RBM26: variants seen among roughly 807,000 people sequenced by gnomAD.
The protein encoded by RBM26 is RNA-binding protein 26.
In RBM26, 30 loss-of-function variants were observed where a neutral mutation model predicts 123.6. The observed-to-expected ratio is 0.24, with a 90% CI of 0.18 to 0.33. The LOEUF is 0.33. RBM26 is among the 10% of genes least tolerant of loss of function. The pLI is 1.00. For synonymous variants in RBM26, 400 were observed against 404.4 expected (o/e 0.99, Z 0.13); for missense variants, 947 against 1,203.6 (o/e 0.79, Z 3.15).
chr13:79,371,037 C>G lies in RBM26; in HGVS notation c.542G>C (p.Arg181Thr). The G allele has an allele frequency of 6.2e-7, 1 of 1,612,882 alleles. No individual in the cohort carries two copies. The highest frequency in any genetic ancestry group is 1.1e-5 in the South Asian group (1 of 91,072). Residue 181 changes from arginine (R) to threonine (T), a missense_variant, in exon 5 of 22, where the codon AGG becomes ACG. This residue lies in a region of RBM26 where 275 missense variants were observed against 361.0 expected (regional missense o/e 0.76). Coordinates refer to ENST00000438737, the MANE Select transcript of RBM26 (RefSeq NM_001366735.2). Reference sequence around the variant, plus strand: ...TTTACTCCAACTTCGACTTCGACTCCTGCTATAACTGCGACTCCGCCCTCG... The same window carrying G: ...TTTACTCCAACTTCGACTTCGACTCGTGCTATAACTGCGACTCCGCCCTCG... ...RRRGRSRSYS[R>T]SRSRSWSKER... is the part of the protein sequence containing the mutation.
In RBM26 at chr13:79,319,954, T is replaced by TTTTC. The variant is rs1164709642; in HGVS notation, c.*666_*667insGAAA. 2.7e-5 allele frequency: 14 copies of TTTTC among 523,198 alleles called. No homozygotes were observed. Among genetic ancestry groups the TTTTC allele is most frequent in the Non-Finnish European group, 3.4e-5 (14 of 414,186 alleles). 32.4% of individuals were successfully genotyped at this position (523,198 alleles called of 1,614,324 possible). ...ATCAAGGAACATTGTCTTGGCTTTT[T>TTTTC]TTTTTTTTTTTTTTTTGTCATTGCT... On this transcript the variant is annotated 3_prime_UTR_variant, in exon 22 of 22. Transcript: ENST00000438737.
intron 14 of RBM26, among the ~76,000 whole-genome samples, chr13:79,346,054 T>C (rs1261095879): frequency 6.6e-6 from 1 of 152,164 alleles, no homozygotes; most frequent in African/African-American, 2.4e-5. Context: ...CAAGTCATTG[T>C]TTCTAAAGGA....
intron 3 of RBM26, 41 bp downstream of exon 3, chr13:79,377,338 T>A (rs747458095): frequency 3.2e-6 from 5 of 1,559,674 alleles, no homozygotes; most frequent in Non-Finnish European, 3.5e-6. Flanking sequence ...ATTCCTCTTA[T>A]GTGTTTAAAT....
downstream of RBM26, among the ~76,000 whole-genome samples, chr13:79,316,232 T>TGTGTGC (rs771502260): frequency 7.7e-6 from 1 of 130,048 alleles, no homozygotes; most frequent in Non-Finnish European, 1.7e-5. Context: ...TGTGTGTGTG[T>TGTGTGC]TGGGTGGAGC....
chr13:79,364,738 T>C (rs373047110), intron 9 of RBM26, among the ~76,000 whole-genome samples: 1 of 150,432 alleles, frequency 6.6e-6, no homozygotes, highest in East Asian at 1.9e-4. Flanking sequence ...CTTGTGACTA[T>C]GTCAACCCAA....
At chr13:79,375,615 C>CTTA (rs1038006127) in intron 3 of RBM26, among the ~76,000 whole-genome samples, 1 of 152,084 alleles carries the variant, frequency 6.6e-6, no homozygotes, top group Admixed American at 6.6e-5. Flanking sequence ...TAACAGAACC[C>CTTA]TTATACTGTT....
Position 79,353,226 on chromosome 13 carries a change from T to TA in RBM26, c.1987-3dup. The TA allele has an allele frequency of 1.3e-6, 2 of 1,526,532 alleles. No homozygotes were observed. The highest frequency in any genetic ancestry group is 1.8e-6 in the Non-Finnish European group (2 of 1,119,844). The allele number at this position is 1,526,532 out of a possible 1,614,324, so 94.6% of individuals were successfully genotyped here. On this transcript the variant is annotated splice_region_variant and splice_polypyrimidine_tract_variant and intron_variant, in intron 13 of 21. Transcript: ENST00000438737. The stretch of plus-strand genomic sequence containing the variant: ...CTTCACAGATAACTTAGTTACATTC[T>TA]AAAAAAATTAAAATGGACATATTCA...
chr13:79,404,363 C>G (rs1295408195), intron 1 of RBM26, among the ~76,000 whole-genome samples: 1 of 152,210 alleles, frequency 6.6e-6, no homozygotes, highest in African/African-American at 2.4e-5. Context: ...CACTCTAATG[C>G]AAACTAGCCA....
intron 1 of RBM26, among the ~76,000 whole-genome samples, chr13:79,401,948 G>T (rs1035667419): frequency 6.6e-6 from 1 of 151,272 alleles, no homozygotes; most frequent in Non-Finnish European, 1.5e-5. Context: ...ACCTCAGTAC[G>T]TCATTACATC....
At chr13:79,332,823 T>G (rs1191284190) in intron 20 of RBM26, among the ~76,000 whole-genome samples, 1 of 152,126 alleles carries the variant, frequency 6.6e-6, no homozygotes, top group Non-Finnish European at 1.5e-5. Context: ...AGAAGGTACG[T>G]GTCAAAAGTC....
intron 19 of RBM26, among the ~76,000 whole-genome samples, chr13:79,336,765 C>T (rs1425687056): frequency 6.6e-6 from 1 of 152,156 alleles, no homozygotes; most frequent in Admixed American, 6.5e-5. Flanking sequence ...TTTTAAAAAT[C>T]TGGATGGCCC....
intron 1 of RBM26, among the ~76,000 whole-genome samples, chr13:79,400,390 A>C (rs903268041): frequency 7.0e-6 from 1 of 143,848 alleles, no homozygotes; most frequent in Non-Finnish European, 1.5e-5. Flanking sequence ...CTCCCATGGC[A>C]GAAGTCAGAG....
At chr13:79,345,721 T>C (rs746712449) in intron 14 of RBM26, among the ~76,000 whole-genome samples, 6 of 152,178 alleles carry the variant, frequency 3.9e-5, no homozygotes, top group Non-Finnish European at 7.4e-5. Context: ...TTGCTTGTTT[T>C]TTAACTTGGT....
At chr13:79,340,679 A>G (rs1022679282) in intron 18 of RBM26, among the ~76,000 whole-genome samples, 2 of 151,952 alleles carry the variant, frequency 1.3e-5, no homozygotes, top group Admixed American at 1.3e-4. Context: ...CTAAACATCC[A>G]CAGCACCATC....
chr13:79,374,049 C>G (rs891773835), intron 3 of RBM26, among the ~76,000 whole-genome samples: 1 of 151,840 alleles, frequency 6.6e-6, no homozygotes, highest in African/African-American at 2.4e-5. Flanking sequence ...AGATAGGGCT[C>G]AAGATTTTGT....
intron 20 of RBM26, among the ~76,000 whole-genome samples, chr13:79,326,323 A>T (rs2138549529): frequency 6.6e-6 from 1 of 152,304 alleles, no homozygotes; most frequent in South Asian, 2.1e-4. Context: ...ATTAAAATAT[A>T]TTTTTAAAAG....
chr13:79,404,033 C>T (rs1014955345), intron 1 of RBM26, among the ~76,000 whole-genome samples: 7 of 152,166 alleles, frequency 4.6e-5, no homozygotes, highest in Admixed American at 3.9e-4. Context: ...AAATTTCCCA[C>T]AATGTCATCG....
intron 3 of RBM26, among the ~76,000 whole-genome samples, chr13:79,375,177 A>T (rs9545094): frequency 0.077 from 10,186 of 132,938 alleles, 513 homozygotes; most frequent in Non-Finnish European, 0.11. Flanking sequence ...TTATATATAT[A>T]TATTTTTTTT....
At chr13:79,403,425 A>G (rs930680963) in intron 1 of RBM26, among the ~76,000 whole-genome samples, 1 of 152,202 alleles carries the variant, frequency 6.6e-6, no homozygotes, top group Admixed American at 6.5e-5. Context: ...AATTACAAGC[A>G]TACACTCTAA....
Sources: allele counts gnomAD v4.1 joint callset (sites outside exome capture counted in the v4.1 genomes callset), GRCh38; gene constraint gnomAD v4.1.1; regional missense constraint gnomAD v4.1.1; transcripts MANE v1.5; gene names NCBI Gene and HGNC (gene_info 2026-07-23, HGNC 2026-07-21).